The following MMP25 variants were observed in gnomAD, a reference collection of about 807,000 sequenced individuals.
MMP25 encodes the protein matrix metallopeptidase 25.
MMP25 carries 68 observed loss-of-function variants against 62.1 expected under a neutral mutation model. That is an observed-to-expected ratio of 1.10 (90% confidence interval 0.90 to 1.34). The LOEUF (loss-of-function observed/expected upper bound fraction) is 1.34, where lower values mean the gene tolerates loss of function less well. Among genes scored for constraint, MMP25 ranks in the 40% most tolerant of loss-of-function variants. The probability of loss-of-function intolerance (pLI) is 0.00; values close to 1 mark genes in which losing one functional copy is unlikely to be tolerated. For synonymous variants in MMP25, 407 were observed against 345.6 expected (o/e 1.18, Z -1.97); for missense variants, 942 against 792.5 (o/e 1.19, Z -2.26).
intron 2 of MMP25, among the ~76,000 whole-genome samples, chr16:3,047,961 T>C (rs1349356103): frequency 6.6e-6 from 1 of 151,638 alleles, no homozygotes; most frequent in Non-Finnish European, 1.5e-5. Flanking sequence ...TGCCTCAGCC[T>C]CCTGAGTAGC....
chr16:3,051,739 T>C (rs985139178), intron 4 of MMP25: 1 of 152,064 alleles, frequency 6.6e-6, no homozygotes. Flanking sequence ...GCAGAGGAAG[T>C]CCTCAAGCCT....
At position 3,050,090 on chromosome 16, in the gene MMP25, G is replaced by T; in HGVS notation, c.314G>T (p.Arg105Leu). 1 of 1,611,410 alleles carries T rather than the reference G, an allele frequency of 6.2e-7. No homozygotes were observed. The highest frequency in any genetic ancestry group is 8.5e-7 in the Non-Finnish European group (1 of 1,179,868). The change falls in exon 3 of 10, where the codon CGT becomes CTT. Residue 105 changes from arginine (R) to leucine (L), a missense_variant. Physicochemically the swap from Arg to Leu is moderately radical, Grantham distance 102. Coordinates refer to ENST00000336577, the MANE Select transcript of MMP25 (RefSeq NM_022468.5). ...GGGGTGGCGGGGCTGGTCAGGCGGC[G>T]TCGCCGGTACGCTCTGAGCGGCAGC... ...VLGVAGLVRR[R>L]RRYALSGSVW...
chr16:3,057,695 A>T lies in MMP25; in HGVS notation c.1006+82A>T, dbSNP rs115514829. The T allele has an allele frequency of 6.1e-6, 8 of 1,307,452 alleles. No individual in the cohort carries two copies. In the Admixed American group the frequency reaches 1.4e-4, roughly 22 times the overall value. 81.0% of individuals were successfully genotyped at this position (1,307,452 alleles called of 1,614,324 possible). On this transcript the variant is annotated intron_variant, in intron 7 of 9. Transcript: ENST00000336577. ...CACTGGGGCTGTGGGCTTACCCTGG[A>T]AGCGGAACTTTTTTCTTCTTTGAGA...
chr16:3,051,242 G>C (rs1352639298), intron 4 of MMP25: 1 of 152,010 alleles, frequency 6.6e-6, no homozygotes, highest in African/African-American at 2.4e-5. Context: ...GTGTGTGCGT[G>C]TGTGTAAAGA....
chr16:3,059,010 G>A lies in MMP25; in HGVS notation c.1601G>A (p.Cys534Tyr). Residue 534 changes from cysteine (C) to tyrosine (Y), a missense_variant, in exon 10 of 10, where the codon TGC (cysteine) becomes TAC (tyrosine). Cys to Tyr is a radical substitution (Grantham distance 194). Transcript: ENST00000336577. ...GTGTCCGAAACCTGCGATTGTCAGT[G>A]CGAGCTCAACCAGGCCGCAGGACGT... ...TPVSETCDCQ[C>Y]ELNQAAGRWP... The A allele has an allele frequency of 6.4e-7, 1 of 1,556,860 alleles. No individual in the cohort carries two copies. The highest frequency in any genetic ancestry group is 8.7e-7 in the Non-Finnish European group (1 of 1,150,216).
chr16:3,046,943 C>A lies in MMP25; in HGVS notation c.26C>A (p.Ala9Glu), dbSNP rs985384235. The A allele has an allele frequency of 2.0e-6, 3 of 1,467,686 alleles. No individual in the cohort carries two copies. The highest frequency in any genetic ancestry group is 2.7e-6 in the Non-Finnish European group (3 of 1,117,800). The allele number at this position is 1,467,686 out of a possible 1,614,324, so 90.9% of individuals were successfully genotyped here. ...ATGCGGCTGCGGCTCCGGCTTCTGGCGCTGCTGCTTCTGCTGCTGGCACCG... is the reference window on the plus strand; with the variant it reads ...ATGCGGCTGCGGCTCCGGCTTCTGGAGCTGCTGCTTCTGCTGCTGGCACCG... MRLRLRLL[A>E]LLLLLLAPPA... Residue 9 changes from alanine (A) to glutamate (E), a missense_variant, in exon 1 of 10, where the codon GCG becomes GAG. Ala to Glu is a moderately radical substitution (Grantham distance 107). Transcript: ENST00000336577.
At chr16:3,047,589 A>T (rs1299744000) in intron 2 of MMP25, 42 bp downstream of exon 2, 1 of 1,593,250 alleles carries the variant, frequency 6.3e-7, no homozygotes, top group East Asian at 2.3e-5. Context: ...CTCTGCACCC[A>T]GCCTGTCCAC....
rs1956056674 is a variant in MMP25, at chr16:3,058,549, G to A, written c.1297G>A (p.Gly433Ser). 1 of 1,610,930 alleles carries A rather than the reference G, an allele frequency of 6.2e-7. No homozygotes were observed. Among genetic ancestry groups the A allele is most frequent in the Admixed American group, 1.7e-5 (1 of 59,930 alleles). Residue 433 changes from glycine (G) to serine (S), a missense_variant, in exon 9 of 10, where the codon GGC (glycine) becomes AGC (serine). By Grantham distance (56) the Gly-to-Ser change is moderately conservative (BLOSUM62 0). Transcript: ENST00000336577. ...GAACGGGAAGACCTACCTGGTCCGC[G>A]GCCGGCAGTACTGGCGCTACGACGA... is the stretch of plus-strand genomic sequence containing the variant. ...PQNGKTYLVR[G>S]RQYWRYDEAA... is the part of the protein sequence containing the mutation.
Position 3,050,507 on chromosome 16 carries a change from C to CA in MMP25, c.623dup (p.His208GlnfsTer3), listed in dbSNP as rs746341016. 6.3e-7 allele frequency: 1 copy of CA among 1,585,466 alleles called. No individual in the cohort carries two copies. The highest frequency in any genetic ancestry group is 8.6e-7 in the Non-Finnish European group (1 of 1,163,406). On this transcript the variant is annotated frameshift_variant, in exon 4 of 10. Transcript: ENST00000336577. LOFTEE classifies it high-confidence loss of function. The stretch of plus-strand genomic sequence containing the variant: ...GGAGCACCCCATCTCCGGGGACACT[C>CA]ACTTTGACGATGAGGAGACCTGGAC...
At position 3,050,412 on chromosome 16, in the gene MMP25, G is replaced by A. The variant is rs774019392; in HGVS notation, c.527G>A (p.Arg176His). 8.2e-5 allele frequency: 133 copies of A among 1,613,962 alleles called. No individual in the cohort carries two copies. The highest frequency in any genetic ancestry group is 1.7e-4 in the Middle Eastern group (1 of 6,060). Residue 176 changes from arginine (R) to histidine (H), a missense_variant, in exon 4 of 10, where the codon CGC becomes CAC. Coordinates refer to ENST00000336577, the MANE Select transcript of MMP25 (RefSeq NM_022468.5). ...CCCGACATCCTCATCGACTTTGCCC[G>A]CGCCTTCCACCAGGACAGCTACCCC... ...QEPDILIDFA[R>H]AFHQDSYPFD...
rs112131450 is a variant in MMP25, at chr16:3,058,225, C to G, written c.1051C>G (p.Pro351Ala). The change falls in exon 8 of 10, where the codon CCG becomes GCG. Residue 351 changes from proline (P) to alanine (A), a missense_variant. By Grantham distance (27) the Pro-to-Ala change is conservative. Coordinates refer to ENST00000336577, the MANE Select transcript of MMP25 (RefSeq NM_022468.5). ...RLQPSGQLVSPRPARLHRFWE... is the reference protein window; with the variant it reads ...RLQPSGQLVSARPARLHRFWE... ...CCAGCCCTCCGGACAGCTGGTGTCC[C>G]CGCGACCCGCACGGCTGCACCGCTT... The G allele has an allele frequency of 1.2e-6, 2 of 1,612,632 alleles. No individual in the cohort carries two copies.
In MMP25 at chr16:3,046,685, C is replaced by G; in HGVS notation, c.-233C>G. On this transcript the variant is annotated 5_prime_UTR_variant, in exon 1 of 10. Coordinates refer to ENST00000336577, the MANE Select transcript of MMP25 (RefSeq NM_022468.5). ...GCGCCCTCTCAACCATCCTGGGATT[C>G]CCGGGCCCACCCGACCCAGCGGCGC... The G allele has an allele frequency of 2.6e-6, 1 of 377,524 alleles. No individual in the cohort carries two copies. The highest frequency in any genetic ancestry group is 4.7e-6 in the Non-Finnish European group (1 of 212,046). 23.4% of individuals were successfully genotyped at this position (377,524 alleles called of 1,614,324 possible). A position where few individuals can be genotyped will look rare whatever the true frequency, so the allele number is the denominator to read the frequency against.
At chr16:3,057,258 TCCTCTGCAGCAGGGCCAGGGGACGCACA>T in intron 5 of MMP25, 24 bp from the exon 6 acceptor site, 2 of 1,613,960 alleles carry the variant, frequency 1.2e-6, no homozygotes, top group Non-Finnish European at 1.7e-6. Context: ...CCATCCAGTG[TCCTCTGCAGCAGGGCCAGGGGACGCACA>T]CCTGCCTGAC....
chr16:3,050,173 G>C, intron 3 of MMP25, 29 bp downstream of exon 3: 1 of 1,587,082 alleles, frequency 6.3e-7, no homozygotes, highest in South Asian at 1.1e-5. Context: ...CCGCACCCTG[G>C]CCCTGCCTGC....
intron 4 of MMP25, chr16:3,056,670 C>G: frequency 4.9e-6 from 1 of 205,348 alleles, no homozygotes; most frequent in Non-Finnish European, 9.8e-6. Context: ...CCACCTGGGA[C>G]TCCAAAAGTG....
chr16:3,051,035 C>T (rs2151154836), intron 4 of MMP25: 1 of 152,698 alleles, frequency 6.5e-6, no homozygotes, highest in Non-Finnish European at 1.5e-5. Flanking sequence ...AAGTGATCCT[C>T]CCATCTTGGT....
intron 2 of MMP25, 130 bp downstream of exon 2, chr16:3,047,677 G>C: frequency 1.0e-6 from 1 of 997,952 alleles, no homozygotes; most frequent in Non-Finnish European, 1.4e-6. Context: ...CCCAAACCCA[G>C]AGGGCCTCAG....
In MMP25 at chr16:3,050,495, T is replaced by A. The variant is rs766904499; in HGVS notation, c.610T>A (p.Ser204Thr). ...HAFFPGEHPI[S>T]GDTHFDDEET... ...CTTCTTCCCTGGGGAGCACCCCATC[T>A]CCGGGGACACTCACTTTGACGATGA... is the stretch of plus-strand genomic sequence containing the variant. The change falls in exon 4 of 10, where the codon TCC (serine) becomes ACC (threonine). Residue 204 changes from serine to threonine, a missense_variant. Transcript: ENST00000336577. The A allele has an allele frequency of 6.3e-7, 1 of 1,597,236 alleles. No homozygotes were observed. The highest frequency in any genetic ancestry group is 1.3e-5 in the African/African-American group (1 of 74,644).
intron 9 of MMP25, 37 bp downstream of exon 9, chr16:3,058,706 G>T (rs770167110): frequency 2.6e-6 from 4 of 1,568,262 alleles, no homozygotes; most frequent in Non-Finnish European, 3.5e-6. Context: ...ACTGGGCCTG[G>T]GGGTGGGGAG....
Sources: allele counts gnomAD v4.1 joint callset (sites outside exome capture counted in the v4.1 genomes callset), GRCh38; gene constraint gnomAD v4.1.1; transcripts MANE v1.5; gene names NCBI Gene and HGNC (gene_info 2026-07-23, HGNC 2026-07-21).